TRABD2B: variants seen among roughly 807,000 people sequenced by gnomAD.
The protein encoded by TRABD2B is TraB domain containing 2B.
In TRABD2B, 14 loss-of-function variants were observed where a neutral mutation model predicts 40.1. The ratio of observed to expected loss-of-function variants is 0.35; its 90% confidence interval spans 0.23 to 0.55. TRABD2B has a LOEUF of 0.55. TRABD2B is among the 20% of genes least tolerant of loss of function. The pLI is 0.90. For missense variants in TRABD2B, 541 were observed against 648.6 expected (o/e 0.83, Z 1.80); for synonymous variants, 263 against 277.0 (o/e 0.95, Z 0.50).
At chr1:47,869,705 T>C (rs1440308287) in intron 2 of TRABD2B, among the ~76,000 whole-genome samples, 2 of 152,216 alleles carry the variant, frequency 1.3e-5, no homozygotes, top group Non-Finnish European at 1.5e-5. Context: ...TGAGGCTCAA[T>C]GGCCATCAGA....
intron 2 of TRABD2B, among the ~76,000 whole-genome samples, chr1:47,953,299 C>G (rs1645372965): frequency 6.6e-6 from 1 of 152,208 alleles, no homozygotes; most frequent in Non-Finnish European, 1.5e-5. Context: ...GGAACACATA[C>G]AAACGTGCAA....
chr1:47,870,270 A>C (rs760292331), intron 2 of TRABD2B, among the ~76,000 whole-genome samples: 11 of 152,168 alleles, frequency 7.2e-5, no homozygotes, highest in Non-Finnish European at 1.2e-4. Flanking sequence ...AGAGATGCAG[A>C]CCTGAACCCA....
At chr1:47,957,608 G>T (rs1645443556) in intron 2 of TRABD2B, among the ~76,000 whole-genome samples, 2 of 152,088 alleles carry the variant, frequency 1.3e-5, no homozygotes, top group Non-Finnish European at 2.9e-5. Flanking sequence ...GGAAGAAAGG[G>T]TATCAGTGAT....
At position 47,846,147 on chromosome 1, in the gene TRABD2B, AAGAACC is replaced by A; in HGVS notation, c.667-44534_667-44529del. On this transcript the variant is annotated intron_variant, in intron 2 of 6. Transcript: ENST00000606738. Reference sequence around the variant, plus strand: ...CTCAATGAAGAAGTTAAAAAAAGAAAAGAACCAGCATATAGCTAAGATGTGGTTAAT... The same window carrying A: ...CTCAATGAAGAAGTTAAAAAAAGAAAAGCATATAGCTAAGATGTGGTTAAT... Among the ~76,000 whole-genome samples the A allele has an allele frequency of 2.0e-5, 3 of 152,354 alleles. No individual in the cohort carries two copies. The South Asian group carries it at 6.2e-4, about 32-fold the overall frequency.
chr1:47,856,346 T>C (rs1243314122), intron 2 of TRABD2B, among the ~76,000 whole-genome samples: 6 of 152,236 alleles, frequency 3.9e-5, no homozygotes, highest in Admixed American at 6.5e-5. Context: ...TGGCACACAG[T>C]ATGTGCTCAG....
At chr1:47,840,748 T>C (rs1343732954) in intron 2 of TRABD2B, among the ~76,000 whole-genome samples, 1 of 152,186 alleles carries the variant, frequency 6.6e-6, no homozygotes, top group Non-Finnish European at 1.5e-5. Flanking sequence ...CTGCCTGAAG[T>C]GGGGCCCAGG....
chr1:47,849,283 C>T (rs182168545), intron 2 of TRABD2B, among the ~76,000 whole-genome samples: 17 of 152,324 alleles, frequency 1.1e-4, no homozygotes, highest in African/African-American at 4.1e-4. Flanking sequence ...GATTGGGAAA[C>T]ACAGAGACAC....
intron 2 of TRABD2B, among the ~76,000 whole-genome samples, chr1:47,821,997 A>T (rs772930190): frequency 6.6e-6 from 1 of 152,178 alleles, no homozygotes; most frequent in Non-Finnish European, 1.5e-5. Context: ...TCTCGTAGAC[A>T]TTCACACAGA....
chr1:47,907,457 C>G (rs1644694013), intron 2 of TRABD2B, among the ~76,000 whole-genome samples: 1 of 152,156 alleles, frequency 6.6e-6, no homozygotes, highest in Admixed American at 6.5e-5. Context: ...CTACCAGGTA[C>G]CTTTCATGTT....
intron 2 of TRABD2B, among the ~76,000 whole-genome samples, chr1:47,923,057 G>A (rs936985290): frequency 6.6e-6 from 1 of 152,166 alleles, no homozygotes; most frequent in African/African-American, 2.4e-5. Flanking sequence ...AATGCGCCAA[G>A]GCCTTTCCCA....
At chr1:47,960,620 A>G (rs937722162) in intron 2 of TRABD2B, among the ~76,000 whole-genome samples, 1 of 152,184 alleles carries the variant, frequency 6.6e-6, no homozygotes, top group African/African-American at 2.4e-5. Flanking sequence ...AACTGCTACA[A>G]AGAGAATAAA....
rs1057345325 is a variant in TRABD2B at position 47,853,127 on chromosome 1, C to T, written c.667-51508G>A. 2.6e-5 allele frequency among the ~76,000 whole-genome samples: 4 copies of T among 152,242 alleles called. No individual in the cohort carries two copies. The East Asian group carries it at 5.8e-4, about 22-fold the overall frequency. On this transcript the variant is annotated intron_variant, in intron 2 of 6. Transcript: ENST00000606738. ...GTGGCCACTGAGCAAATACCCTGAA[C>T]GGGGGCTTGGTTGATGCTAGGGCCG... is the stretch of plus-strand genomic sequence containing the variant.
intron 2 of TRABD2B, among the ~76,000 whole-genome samples, chr1:47,805,011 G>T (rs1644872133): frequency 6.6e-6 from 1 of 152,168 alleles, no homozygotes; most frequent in Admixed American, 6.5e-5. Flanking sequence ...AGGTACCCTG[G>T]AGCCTAGTTT....
chr1:47,986,876 G>A (rs567810017), intron 2 of TRABD2B, among the ~76,000 whole-genome samples: 7 of 152,318 alleles, frequency 4.6e-5, no homozygotes, highest in African/African-American at 1.7e-4. Flanking sequence ...GAACAGAACT[G>A]AAGGCTCGGC....
At chr1:47,902,459 C>T (rs1450935677) in intron 2 of TRABD2B, among the ~76,000 whole-genome samples, 1 of 152,118 alleles carries the variant, frequency 6.6e-6, no homozygotes, top group African/African-American at 2.4e-5. Context: ...TGGCTCTATA[C>T]TCTAAGGCCA....
intron 2 of TRABD2B, among the ~76,000 whole-genome samples, chr1:47,829,352 C>T (rs933067895): frequency 1.4e-4 from 21 of 152,148 alleles, no homozygotes; most frequent in South Asian, 4.2e-4. Flanking sequence ...AGGCTGTGAG[C>T]GGAGCCCAAG....
chr1:47,874,815 C>T (rs1054322266), intron 2 of TRABD2B, among the ~76,000 whole-genome samples: 9 of 151,800 alleles, frequency 5.9e-5, no homozygotes, highest in African/African-American at 1.9e-4. Flanking sequence ...AATTCCTGGT[C>T]TCAGGTGGTC....
At chr1:47,968,959 T>C (rs564927360) in intron 2 of TRABD2B, among the ~76,000 whole-genome samples, 1 of 152,158 alleles carries the variant, frequency 6.6e-6, no homozygotes, top group African/African-American at 2.4e-5. Context: ...TGGTGGCTGA[T>C]CCTGCAGACT....
At chr1:47,822,617 T>C (rs573934632) in intron 2 of TRABD2B, among the ~76,000 whole-genome samples, 2 of 152,346 alleles carry the variant, frequency 1.3e-5, no homozygotes, top group East Asian at 1.9e-4. Flanking sequence ...GCTGTGAAAG[T>C]TGGAGCTAAC....
Sources: gnomAD v4.1 joint callset for allele counts (sites outside exome capture counted in the v4.1 genomes callset) on GRCh38, gnomAD v4.1.1 for gene constraint, MANE v1.5 for transcripts, NCBI Gene and HGNC (gene_info 2026-07-23, HGNC 2026-07-21) for gene names.